The following AP3M2 variants were observed in gnomAD, a reference collection of about 807,000 sequenced individuals.
AP3M2 encodes the protein AP-3 complex subunit mu-2.
AP3M2 carries 28 observed loss-of-function variants against 41.6 expected under a neutral mutation model. The ratio of observed to expected loss-of-function variants is 0.67; its 90% CI spans 0.50 to 0.92. AP3M2 has a LOEUF of 0.92. Ranked by LOEUF, AP3M2 falls within the 40% of genes least tolerant of loss-of-function variation. The pLI is 0.00. For missense variants in AP3M2, 427 were observed against 521.4 expected (o/e 0.82, Z 1.76); for synonymous variants, 193 against 186.4 (o/e 1.04, Z -0.29).
At chr8:42,156,139 A>G in intron 2 of AP3M2, 2 of 408,076 alleles carry the variant, frequency 4.9e-6, no homozygotes, top group South Asian at 3.5e-5. Flanking sequence ...CACGTGTGAT[A>G]CTTTACTCAT....
chr8:42,165,331 T>G, intron 5 of AP3M2, 96 bp from the exon 6 acceptor site: 2 of 1,474,332 alleles, frequency 1.4e-6, no homozygotes, highest in Non-Finnish European at 9.3e-7. Flanking sequence ...GTGTGTGTGG[T>G]GTGTTTTAAT....
At chr8:42,155,022 C>T (rs1804319715) in intron 2 of AP3M2, 62 bp downstream of exon 2, 3 of 1,390,446 alleles carry the variant, frequency 2.2e-6, no homozygotes, top group African/African-American at 1.4e-5. Flanking sequence ...GTCCTGTTTC[C>T]ATTGTGTAAA....
intron 2 of AP3M2, among the ~76,000 whole-genome samples, chr8:42,155,193 C>T (rs1156679831): frequency 2.6e-5 from 4 of 152,206 alleles, no homozygotes; most frequent in Admixed American, 6.5e-5. Flanking sequence ...ATCCTATTTG[C>T]GATGACTATA....
intron 4 of AP3M2, among the ~76,000 whole-genome samples, chr8:42,163,501 A>AC (rs1173327908): frequency 2.6e-5 from 4 of 152,178 alleles, no homozygotes; most frequent in African/African-American, 9.7e-5. Context: ...AGAGGTACCC[A>AC]CCCCTGAGCA....
At chr8:42,164,477 A>C (rs1035285913) in intron 4 of AP3M2, among the ~76,000 whole-genome samples, 8 of 152,244 alleles carry the variant, frequency 5.3e-5, no homozygotes, top group African/African-American at 1.7e-4. Context: ...AGAAAATAGA[A>C]GTTCAGAACT....
At chr8:42,166,380 T>G (rs1804637248) in intron 6 of AP3M2, among the ~76,000 whole-genome samples, 1 of 152,068 alleles carries the variant, frequency 6.6e-6, no homozygotes, top group African/African-American at 2.4e-5. Context: ...CAATACATGT[T>G]AGGAACTGTT....
intron 2 of AP3M2, among the ~76,000 whole-genome samples, chr8:42,157,456 A>G (rs567500395): frequency 3.5e-4 from 53 of 152,350 alleles, no homozygotes; most frequent in African/African-American, 1.2e-3. Context: ...AGATAGTCCA[A>G]AGGAATTTTC....
chr8:42,158,208 G>C, intron 3 of AP3M2, 96 bp downstream of exon 3: 1 of 1,306,908 alleles, frequency 7.7e-7, no homozygotes, highest in Non-Finnish European at 1.1e-6. Context: ...TGTCTTTGGG[G>C]ATCTCAGGTG....
intron 1 of AP3M2, chr8:42,154,015 C>T (rs1804285773): frequency 6.6e-6 from 1 of 151,776 alleles, no homozygotes; most frequent in African/African-American, 2.4e-5. Flanking sequence ...TTGATTTAAC[C>T]CAGGATATCC....
chr8:42,167,621 C>T (rs1443302191), intron 7 of AP3M2, 45 bp from the exon 8 acceptor site: 1 of 1,588,900 alleles, frequency 6.3e-7, no homozygotes, highest in African/African-American at 1.4e-5. Flanking sequence ...TCTGCTGTAA[C>T]TATTTTTTGG....
intron 2 of AP3M2, chr8:42,155,966 C>T (rs1371621030): frequency 6.6e-6 from 3 of 455,702 alleles, no homozygotes. Context: ...TTTTTCCCTG[C>T]AATACTCTGT....
intron 4 of AP3M2, 112 bp from the exon 5 acceptor site, chr8:42,164,959 G>T (rs1804601014): frequency 3.5e-6 from 3 of 845,120 alleles, no homozygotes; most frequent in Non-Finnish European, 5.4e-6. Flanking sequence ...AGGGGAGGGA[G>T]AGAGAGGAAG....
At chr8:42,168,858 A>G (rs914868202) in intron 8 of AP3M2, 103 bp from the exon 9 acceptor site, 17 of 787,748 alleles carry the variant, frequency 2.2e-5, no homozygotes, top group South Asian at 3.7e-5. Context: ...TGTCACAGCA[A>G]TGTCGGTCCC....
chr8:42,158,799 T>G (rs1320183346), intron 3 of AP3M2, among the ~76,000 whole-genome samples: 1 of 147,478 alleles, frequency 6.8e-6, no homozygotes, highest in Non-Finnish European at 1.5e-5. Context: ...ACATGGTTCT[T>G]TTTTTTTTTT....
rs1804372008 is a variant in AP3M2, at chr8:42,157,009, C to T, written c.274-932C>T. Reference sequence around the variant, plus strand: ...CAGAGCCATTCATGAATAGAATGGACTTTCTCAAAAGGAGTAAATTTTCCT... The same window carrying T: ...CAGAGCCATTCATGAATAGAATGGATTTTCTCAAAAGGAGTAAATTTTCCT... On this transcript the variant is annotated intron_variant, in intron 2 of 8. Transcript: ENST00000396926. Among the ~76,000 whole-genome samples, 4 of 152,292 alleles carry T rather than the reference C, an allele frequency of 2.6e-5. No individual in the cohort carries two copies. In the South Asian group the frequency reaches 6.2e-4, roughly 24 times the overall value.
At chr8:42,167,618 T>C (rs1366386191) in intron 7 of AP3M2, 48 bp from the exon 8 acceptor site, 1 of 1,587,056 alleles carries the variant, frequency 6.3e-7, no homozygotes, top group Non-Finnish European at 8.6e-7. Context: ...GATTCTGCTG[T>C]AACTATTTTT....
chr8:42,168,954 T>G lies in AP3M2; in HGVS notation c.1157-7T>G. The stretch of plus-strand genomic sequence containing the variant: ...ATGTCTATTTTCCCTCTCTCCCTCC[T>G]TTCTAGGACTCAAGGTGAATCGTCT... On this transcript the variant is annotated splice_region_variant and splice_polypyrimidine_tract_variant and intron_variant, in intron 8 of 8. Coordinates refer to ENST00000396926, the MANE Select transcript of AP3M2 (RefSeq NM_006803.4). 6.3e-7 allele frequency: 1 copy of G among 1,593,094 alleles called. No individual in the cohort carries two copies. The highest frequency in any genetic ancestry group is 8.5e-7 in the Non-Finnish European group (1 of 1,170,696).
chr8:42,161,071 G>A (rs1804492942), intron 3 of AP3M2, among the ~76,000 whole-genome samples: 1 of 152,192 alleles, frequency 6.6e-6, no homozygotes, highest in Non-Finnish European at 1.5e-5. Flanking sequence ...AGGAGGCTGA[G>A]GCGGGAGGAT....
chr8:42,165,233 GA>G, intron 5 of AP3M2, 77 bp downstream of exon 5: 1 of 1,504,156 alleles, frequency 6.6e-7, no homozygotes, highest in South Asian at 1.2e-5. Context: ...AGTGGGAATG[GA>G]ATAGAACAAG....
Sources: gnomAD v4.1 joint callset for allele counts (sites outside exome capture counted in the v4.1 genomes callset) on GRCh38, gnomAD v4.1.1 for gene constraint, MANE v1.5 for transcripts, NCBI Gene and HGNC (gene_info 2026-07-23, HGNC 2026-07-21) for gene names.